TAF1B: variants seen among roughly 807,000 people sequenced by gnomAD.
TAF1B encodes TATA-box binding protein associated factor, RNA polymerase I subunit B.
In TAF1B, 61 loss-of-function variants were observed where a neutral mutation model predicts 83.9. That is an observed-to-expected ratio of 0.73 (90% CI 0.59 to 0.90). The LOEUF (loss-of-function observed/expected upper bound fraction) is 0.90. Ranked by LOEUF, TAF1B falls within the 40% of genes least tolerant of loss-of-function variation. The pLI, the probability that TAF1B is intolerant of heterozygous loss-of-function variation, is 0.00. For synonymous variants in TAF1B, 221 were observed against 224.6 expected, an observed-to-expected ratio of 0.98 and a Z score of 0.14; for missense variants, 625 against 677.0, an observed-to-expected ratio of 0.92 and a Z score of 0.85.
chr2:9,851,853 A>G (rs774005863), intron 4 of TAF1B: 2 of 643,460 alleles, frequency 3.1e-6, no homozygotes. Context: ...AGAAAAATTT[A>G]AAGGTTTTAG....
chr2:9,919,527 A>G lies in TAF1B; in HGVS notation c.1343-71A>G, dbSNP rs1034513827. On this transcript the variant is annotated intron_variant, in intron 13 of 14. Coordinates refer to ENST00000263663, the MANE Select transcript of TAF1B (RefSeq NM_005680.3). The stretch of plus-strand genomic sequence containing the variant: ...AACCAATATTGGTACATTCCTATCA[A>G]GTAAATTCCAGGCTTTATTTGTGAT... The G allele has an allele frequency of 4.4e-6, 6 of 1,352,202 alleles. No homozygotes were observed. In the African/African-American group the frequency reaches 7.1e-5, roughly 16 times the overall value. The allele number at this position is 1,352,202 out of a possible 1,614,324, so 83.8% of individuals were successfully genotyped here.
intron 12 of TAF1B, among the ~76,000 whole-genome samples, chr2:9,915,295 A>T (rs1313356805): frequency 1.3e-5 from 2 of 152,184 alleles, no homozygotes; most frequent in African/African-American, 2.4e-5. Flanking sequence ...AAAGAAAAAA[A>T]ATTGGTAAAT....
At chr2:9,894,921 C>G (rs2125163452) in intron 8 of TAF1B, among the ~76,000 whole-genome samples, 1 of 152,290 alleles carries the variant, frequency 6.6e-6, no homozygotes, top group East Asian at 1.9e-4. Flanking sequence ...GGCTATGCAA[C>G]AATCAGCAGA....
At chr2:9,923,588 C>T (rs527308032) in intron 14 of TAF1B, among the ~76,000 whole-genome samples, 1 of 150,688 alleles carries the variant, frequency 6.6e-6, no homozygotes, top group Non-Finnish European at 1.5e-5. Context: ...CTGAGGCAGG[C>T]GAATCACTTG....
In TAF1B at chr2:9,929,993, CTGA is replaced by C. The variant is rs201429926; in HGVS notation, c.1566-3787_1566-3785del. ...TGCATAGAGGTATTTATAGTATTCT[CTGA>C]TGGTAGTTTGTATTTCTGTGGGATC... On this transcript the variant is annotated intron_variant, in intron 14 of 14. Transcript: ENST00000263663. Among the ~76,000 whole-genome samples the C allele has an allele frequency of 6.3e-3, 960 of 152,304 alleles. 16 individuals are homozygous for C. The highest frequency in any genetic ancestry group is 0.022 in the African/African-American group (897 of 41,562).
chr2:9,861,471 A>G (rs918809530), intron 5 of TAF1B, among the ~76,000 whole-genome samples: 1 of 152,262 alleles, frequency 6.6e-6, no homozygotes, highest in Non-Finnish European at 1.5e-5. Context: ...GGTGGAACCC[A>G]CCACAGCTCA....
chr2:9,852,206 A>G (rs1296383995), intron 4 of TAF1B: 2 of 288,470 alleles, frequency 6.9e-6, no homozygotes, highest in Non-Finnish European at 6.8e-6. Flanking sequence ...TGCATTTCTA[A>G]CAAGTTCTTA....
rs559972652 is a variant in TAF1B, at chr2:9,863,247, G to A, written c.400-5029G>A. Among the ~76,000 whole-genome samples the A allele has an allele frequency of 2.3e-3, 356 of 152,316 alleles. 3 individuals are homozygous for A. The highest frequency in any genetic ancestry group is 8.4e-3 in the African/African-American group (351 of 41,558). ...CATAGGCTCAAAGTAAAGGGATGGA[G>A]GAAGATCTACCAAGCAAATGGAAAG... On this transcript the variant is annotated intron_variant, in intron 5 of 14. Transcript: ENST00000263663.
rs138397118 is a variant in TAF1B at position 9,905,865 on chromosome 2, TA to T, written c.955+860del. Among the ~76,000 whole-genome samples, 722 of 152,280 alleles carry T rather than the reference TA, an allele frequency of 4.7e-3. 4 individuals carry two copies. The highest frequency in any genetic ancestry group is 0.016 in the African/African-American group (683 of 41,564). On this transcript the variant is annotated intron_variant, in intron 9 of 14. Coordinates refer to ENST00000263663, the MANE Select transcript of TAF1B (RefSeq NM_005680.3). ...TGTAAGTATTGTCATAATTTAAAAATATTTTTTAAAACAGGAACAAAAATAA... is the reference window on the plus strand; with the variant it reads ...TGTAAGTATTGTCATAATTTAAAAATTTTTTTAAAACAGGAACAAAAATAA...
At chr2:9,849,511 C>A in intron 3 of TAF1B, 51 bp downstream of exon 3, 3 of 1,322,990 alleles carry the variant, frequency 2.3e-6, no homozygotes, top group Admixed American at 2.8e-5. Flanking sequence ...CATCTTTCAC[C>A]TTCATGATGT....
chr2:9,877,366 A>G (rs573587698), intron 7 of TAF1B, among the ~76,000 whole-genome samples: 3 of 152,286 alleles, frequency 2.0e-5, no homozygotes, highest in Admixed American at 6.5e-5. Context: ...TCTCTTTCTT[A>G]GTAAATGCCA....
intron 5 of TAF1B, among the ~76,000 whole-genome samples, chr2:9,865,462 C>T (rs1663939067): frequency 6.6e-6 from 1 of 152,108 alleles, no homozygotes; most frequent in African/African-American, 2.4e-5. Context: ...AATGGAAGAA[C>T]ATTCCATGCT....
intron 3 of TAF1B, among the ~76,000 whole-genome samples, chr2:9,851,112 C>T (rs1292149273): frequency 6.6e-6 from 1 of 152,144 alleles, no homozygotes; most frequent in Non-Finnish European, 1.5e-5. Flanking sequence ...TGACTTAGTC[C>T]TTTCATTTAG....
In TAF1B at chr2:9,865,487, A is replaced by G. The variant is rs866052566; in HGVS notation, c.400-2789A>G. Among the ~76,000 whole-genome samples, 52 of 152,208 alleles carry G rather than the reference A, an allele frequency of 3.4e-4. 1 individual carries two copies. The Middle Eastern group carries it at 0.01, about 30-fold the overall frequency. On this transcript the variant is annotated intron_variant, in intron 5 of 14. Transcript: ENST00000263663. ...CATTCCATGCTCATGGGTAGGAAGA[A>G]TCAATATCGTGAAAATGGCCATACT... is the stretch of plus-strand genomic sequence containing the variant.
chr2:9,905,515 G>A (rs186331869), intron 9 of TAF1B, among the ~76,000 whole-genome samples: 122 of 152,174 alleles, frequency 8.0e-4, no homozygotes, highest in African/African-American at 2.8e-3. Flanking sequence ...ACTCTTTAAG[G>A]CAGTGAAACA....
intron 4 of TAF1B, chr2:9,852,224 C>G: frequency 3.9e-6 from 1 of 259,328 alleles, no homozygotes; most frequent in Non-Finnish European, 7.6e-6. Flanking sequence ...TTATGGGACA[C>G]CCATGCTTCT....
At chr2:9,895,533 A>G (rs1377089150) in intron 8 of TAF1B, among the ~76,000 whole-genome samples, 1 of 152,150 alleles carries the variant, frequency 6.6e-6, no homozygotes, top group Non-Finnish European at 1.5e-5. Flanking sequence ...TTTCTACTAC[A>G]TGGTAGGTTT....
At position 9,845,170 on chromosome 2, in the gene TAF1B, T is replaced by A. The variant is rs924558193; in HGVS notation, c.19-50T>A. ...AGAACTGCAAGGTTTAGGTACGATGTATTGAATGTGGCTTGATGGGAACAC... is the reference window on the plus strand; with the variant it reads ...AGAACTGCAAGGTTTAGGTACGATGAATTGAATGTGGCTTGATGGGAACAC... On this transcript the variant is annotated intron_variant, in intron 1 of 14. Coordinates refer to ENST00000263663, the MANE Select transcript of TAF1B (RefSeq NM_005680.3). 4.3e-6 allele frequency: 6 copies of A among 1,391,616 alleles called. No homozygotes were observed. The Admixed American group carries it at 5.1e-5, about 12-fold the overall frequency. The allele number at this position is 1,391,616 out of a possible 1,614,324, so 86.2% of individuals were successfully genotyped here. A position where few individuals can be genotyped will look rare whatever the true frequency, so the allele number is the denominator to read the frequency against.
At chr2:9,866,083 A>G (rs1390278522) in intron 5 of TAF1B, among the ~76,000 whole-genome samples, 2 of 150,840 alleles carry the variant, frequency 1.3e-5, no homozygotes, top group East Asian at 3.9e-4. Flanking sequence ...AAAATTGACA[A>G]ATGGGATCTA....
Sources: allele counts gnomAD v4.1 joint callset (sites outside exome capture counted in the v4.1 genomes callset), GRCh38; gene constraint gnomAD v4.1.1; transcripts MANE v1.5; gene names NCBI Gene and HGNC (gene_info 2026-07-23, HGNC 2026-07-21).